The following C5 variants were observed in gnomAD, a reference collection of about 807,000 sequenced individuals.
C5 encodes the protein C3 and PZP-like alpha-2-macroglobulin domain-containing protein 4.
In C5, 140 loss-of-function variants were observed where a neutral mutation model predicts 218.8. That is an observed-to-expected ratio of 0.64 (90% CI 0.56 to 0.74). The LOEUF is 0.74. Among genes scored for constraint, C5 ranks in the 30% least tolerant of loss-of-function variants. The probability of loss-of-function intolerance (pLI) is 0.00; values close to 1 mark genes in which losing one functional copy is unlikely to be tolerated. For synonymous variants in C5, 614 were observed against 682.3 expected, an observed-to-expected ratio of 0.90 and a Z score of 1.56; for missense variants, 1,700 against 1,969.6, an observed-to-expected ratio of 0.86 and a Z score of 2.59.
At chr9:121,029,013 C>T (rs573746370) in intron 7 of C5, among the ~76,000 whole-genome samples, 1 of 152,242 alleles carries the variant, frequency 6.6e-6, no homozygotes, top group Admixed American at 6.5e-5. Flanking sequence ...ATCAGCTACT[C>T]TCTGTTTTCT....
At chr9:121,073,400 C>A in the C5 span, among the ~76,000 whole-genome samples, 3 of 151,992 alleles carry the variant, frequency 2.0e-5, no homozygotes, top group African/African-American at 4.8e-5. Flanking sequence ...TTCTGGGTAA[C>A]CTTTGTCTAA....
chr9:120,963,043 T>C lies in C5; in HGVS notation c.4324-76A>G. ...TAAATGCATTCACCTGTTGATGAGATAGCACAATGCAGGGATGTGATCTGT... is the reference window on the plus strand; with the variant it reads ...TAAATGCATTCACCTGTTGATGAGACAGCACAATGCAGGGATGTGATCTGT... On this transcript the variant is annotated intron_variant, in intron 34 of 40. Coordinates refer to ENST00000223642, the MANE Select transcript of C5 (RefSeq NM_001735.3). The C allele has an allele frequency of 8.4e-6, 9 of 1,076,896 alleles. No individual in the cohort carries two copies. In the South Asian group the frequency reaches 9.9e-5, roughly 12 times the overall value. 66.7% of individuals were successfully genotyped at this position (1,076,896 alleles called of 1,614,324 possible). A position where few individuals can be genotyped will look rare whatever the true frequency, so the allele number is the denominator to read the frequency against.
At chr9:120,993,076 AACC>A (rs1245621158) in intron 22 of C5, among the ~76,000 whole-genome samples, 1 of 152,228 alleles carries the variant, frequency 6.6e-6, no homozygotes, top group African/African-American at 2.4e-5. Flanking sequence ...AATCATTAGT[AACC>A]AGAAGAATCC....
rs896591878 is a variant in C5 at position 121,002,705 on chromosome 9, G to C, written c.2562+3214C>G. The stretch of plus-strand genomic sequence containing the variant: ...CACTACAGGAACCTGATGGAGAAAT[G>C]GCCTTTGGTATCTCTATCTGAGTTA... On this transcript the variant is annotated intron_variant, in intron 20 of 40. Transcript: ENST00000223642. Among the ~76,000 whole-genome samples, 7 of 152,020 alleles carry C rather than the reference G, an allele frequency of 4.6e-5. No individual in the cohort carries two copies. In the East Asian group the frequency reaches 5.8e-4, roughly 13 times the overall value.
intron 9 of C5, among the ~76,000 whole-genome samples, chr9:121,023,776 C>T (rs1027359276): frequency 6.6e-6 from 1 of 152,210 alleles, no homozygotes; most frequent in East Asian, 1.9e-4. Context: ...AGTAGAGCTA[C>T]AGGACTGGAC....
At chr9:121,019,574 C>T (rs532590154) in intron 12 of C5, among the ~76,000 whole-genome samples, 6 of 152,264 alleles carry the variant, frequency 3.9e-5, no homozygotes, top group South Asian at 4.2e-4. Flanking sequence ...TTCACTTATC[C>T]GAACTGGGTC....
chr9:121,013,172 T>G (rs971128599), intron 17 of C5, among the ~76,000 whole-genome samples: 3 of 151,940 alleles, frequency 2.0e-5, no homozygotes, highest in Non-Finnish European at 4.4e-5. Flanking sequence ...ATACAAAAAT[T>G]AACCAGGTGT....
At chr9:121,047,228 C>T (rs929178661) in intron 1 of C5, among the ~76,000 whole-genome samples, 27 of 152,206 alleles carry the variant, frequency 1.8e-4, no homozygotes, top group East Asian at 5.8e-4. Flanking sequence ...TAAGGTTATA[C>T]GGTTTGTAAG....
intron 22 of C5, 136 bp from the exon 23 acceptor site, chr9:120,991,416 A>C: frequency 1.6e-6 from 1 of 638,816 alleles, no homozygotes; most frequent in Non-Finnish European, 2.8e-6. Context: ...TTTAAAAGAA[A>C]GTTAAAAATC....
intron 33 of C5, 55 bp downstream of exon 33, chr9:120,969,006 G>A (rs576202900): frequency 1.4e-5 from 20 of 1,434,156 alleles, no homozygotes; most frequent in Middle Eastern, 3.5e-4. Context: ...GAAACAATAC[G>A]TTAACAAAAA....
rs200863657 is a variant in C5, at chr9:121,023,386, C to T, written c.1116+18G>A. 23 of 1,401,546 alleles carry T rather than the reference C, an allele frequency of 1.6e-5. No homozygotes were observed. In the African/African-American group the frequency reaches 2.5e-4, roughly 15 times the overall value. 86.8% of individuals were successfully genotyped at this position (1,401,546 alleles called of 1,614,324 possible). A position where few individuals can be genotyped will look rare whatever the true frequency, so the allele number is the denominator to read the frequency against. On this transcript the variant is annotated intron_variant, in intron 10 of 40. Transcript: ENST00000223642. ...AGATGATCATATGTAGCAACGTCTACCCCCTCACCCAATCTACCTTGATGG... is the reference window on the plus strand; with the variant it reads ...AGATGATCATATGTAGCAACGTCTATCCCCTCACCCAATCTACCTTGATGG...
At chr9:121,048,502 A>G (rs2047646979) in intron 1 of C5, among the ~76,000 whole-genome samples, 2 of 152,202 alleles carry the variant, frequency 1.3e-5, no homozygotes, top group Admixed American at 1.3e-4. Flanking sequence ...TTTCATTCTG[A>G]AACCATCCCC....
At chr9:121,059,360 C>T in the C5 span, among the ~76,000 whole-genome samples, 2 of 152,212 alleles carry the variant, frequency 1.3e-5, no homozygotes, top group East Asian at 3.8e-4. This position sits in a 1 kb window ranked among gnomAD's most constrained non-coding sequence, Gnocchi z 4.1. Context: ...GATGCTCACT[C>T]TCCCTTTATC....
chr9:121,058,328 G>A, the C5 span, among the ~76,000 whole-genome samples: 1 of 152,084 alleles, frequency 6.6e-6, no homozygotes, highest in African/African-American at 2.4e-5. Flanking sequence ...CAGAAATTTC[G>A]ATTTGATTGT....
At chr9:121,031,063 A>G (rs1387572043) in intron 6 of C5, among the ~76,000 whole-genome samples, 3 of 152,130 alleles carry the variant, frequency 2.0e-5, no homozygotes, top group Admixed American at 6.5e-5. Context: ...GAGTTTCATC[A>G]TAACGAATTT....
chr9:121,063,809 C>A, the C5 span, among the ~76,000 whole-genome samples: 2 of 151,968 alleles, frequency 1.3e-5, no homozygotes, highest in Non-Finnish European at 2.9e-5. Context: ...ACCCTTTAAC[C>A]CTATGAAATA....
intron 20 of C5, among the ~76,000 whole-genome samples, chr9:120,998,558 T>C (rs561073668): frequency 3.3e-5 from 5 of 152,342 alleles, no homozygotes; most frequent in African/African-American, 1.2e-4. Flanking sequence ...CCCTGCCCAT[T>C]ATGTCCCCAG....
the C5 span, among the ~76,000 whole-genome samples, chr9:121,063,623 A>G: frequency 1.3e-5 from 2 of 152,144 alleles, no homozygotes; most frequent in Admixed American, 1.3e-4. Flanking sequence ...AAAATTTAAA[A>G]TTAAATAATA....
chr9:120,997,610 G>T lies in C5; in HGVS notation c.2727C>A (p.Asn909Lys). ...ACCAAGTCTCCAGTGAAAAATTGAT[G>T]TTGTGAAGGCCAATTTCCAGAGGAA... Reference protein sequence around the residue: ...TVLPLEIGLHNINFSLETWFG... With the variant: ...TVLPLEIGLHKINFSLETWFG... The change falls in exon 21 of 41, where the codon AAC (asparagine) becomes AAA (lysine). Residue 909 changes from asparagine (N) to lysine (K), a missense_variant. By Grantham distance (94) the Asn-to-Lys change is moderately conservative. Coordinates refer to ENST00000223642, the MANE Select transcript of C5 (RefSeq NM_001735.3). 6.2e-7 allele frequency: 1 copy of T among 1,613,978 alleles called. No homozygotes were observed. The highest frequency in any genetic ancestry group is 2.2e-5 in the East Asian group (1 of 44,866).
Sources: gnomAD v4.1 joint callset for allele counts (sites outside exome capture counted in the v4.1 genomes callset) on GRCh38, gnomAD v4.1.1 for gene constraint, Gnocchi (gnomAD v3.1) non-coding constraint, MANE v1.5 for transcripts, NCBI Gene and HGNC (gene_info 2026-07-23, HGNC 2026-07-21) for gene names.